Variants in BAIAP2 observed in about 807,000 individuals in gnomAD.
BAIAP2 encodes the protein BAR/IMD domain containing adaptor protein 2, also known as BAR/IMD domain-containing adapter protein 2.
In BAIAP2, 18 loss-of-function variants were observed where a neutral mutation model predicts 63.0. That is an observed-to-expected ratio of 0.29 (90% CI 0.20 to 0.42). BAIAP2 has a LOEUF of 0.42. Ranked by LOEUF, BAIAP2 falls within the 10% of genes least tolerant of loss-of-function variation. The pLI, the probability that BAIAP2 is intolerant of heterozygous loss-of-function variation, is 1.00. For missense variants in BAIAP2, 610 were observed against 734.3 expected (o/e 0.83, Z 1.96); for synonymous variants, 386 against 307.6 (o/e 1.25, Z -2.67).
chr17:81,051,232 A>C (rs1256489400), intron 1 of BAIAP2, among the ~76,000 whole-genome samples: 2 of 151,820 alleles, frequency 1.3e-5, no homozygotes, highest in Non-Finnish European at 2.9e-5. Context: ...TCTCTGCTCC[A>C]GCATCCCCGT....
chr17:81,037,591 C>T (rs746190772), intron 1 of BAIAP2, among the ~76,000 whole-genome samples: 7 of 152,218 alleles, frequency 4.6e-5, no homozygotes, highest in Admixed American at 1.3e-4. Flanking sequence ...CCGGTCCAGC[C>T]GGTCCAGGCA....
Position 81,116,153 on chromosome 17 carries a change from G to A in BAIAP2, c.*314G>A, listed in dbSNP as rs1050132137. 2.1e-5 allele frequency: 34 copies of A among 1,600,704 alleles called. No homozygotes were observed. The highest frequency in any genetic ancestry group is 2.8e-5 in the Non-Finnish European group (33 of 1,173,810). ...CCCCTGAGTTAAGGGAGGACATTTG[G>A]CCAGCTGGTGGCTGGGAGGGGAGCC... On this transcript the variant is annotated 3_prime_UTR_variant, in exon 14 of 14. Coordinates refer to ENST00000428708, the MANE Select transcript of BAIAP2 (RefSeq NM_001144888.2).
intron 3 of BAIAP2, among the ~76,000 whole-genome samples, chr17:81,069,197 T>A (rs1170129998): frequency 4.6e-5 from 7 of 151,854 alleles, no homozygotes; most frequent in African/African-American, 7.3e-5. Context: ...CTAGGTACAG[T>A]TTATACATTG....
rs116400838 is a variant in BAIAP2 at position 81,078,912 on chromosome 17, C to G, written c.218-5920C>G. 9.7e-3 allele frequency among the ~76,000 whole-genome samples: 1,483 copies of G among 152,130 alleles called. 20 individuals carry two copies. Among genetic ancestry groups the G allele is most frequent in the South Asian group, 0.038 (184 of 4,804 alleles). ...CCTTTGAGCTGTGGGGGTGTCAGGT[C>G]TCTCCCCTGCAAAGTGGGGTGATAG... On this transcript the variant is annotated intron_variant, in intron 3 of 13. Transcript: ENST00000428708.
At chr17:81,102,820 G>C (rs555991737) in intron 7 of BAIAP2, among the ~76,000 whole-genome samples, 1 of 152,226 alleles carries the variant, frequency 6.6e-6, no homozygotes, top group Non-Finnish European at 1.5e-5. Flanking sequence ...TGGGGGTCCC[G>C]GGAATCCAGG....
rs138887477 is a variant in BAIAP2 at position 81,049,291 on chromosome 17, G to A, written c.55-4377G>A. 4.5e-4 allele frequency among the ~76,000 whole-genome samples: 69 copies of A among 152,316 alleles called. No individual in the cohort carries two copies. In the East Asian group the frequency reaches 0.013, roughly 28 times the overall value. On this transcript the variant is annotated intron_variant, in intron 1 of 13. Coordinates refer to ENST00000428708, the MANE Select transcript of BAIAP2 (RefSeq NM_001144888.2). The stretch of plus-strand genomic sequence containing the variant: ...TCTCTCTGTGCCTGTGGCCCCCCAG[G>A]AGTCTCTCAGTTTTGCTGTGGTCTT...
At position 81,099,982 on chromosome 17, in the gene BAIAP2, G is replaced by A. The variant is rs771597263; in HGVS notation, c.544G>A (p.Gly182Ser). ...QGELENYVSD[G>S]YKTALTEERR... ...CGAGCTGGAGAATTACGTGTCCGAC[G>A]GCTACAAGACCGCACTGACAGAGGA... The change falls in exon 7 of 14, where the codon GGC becomes AGC. Residue 182 changes from glycine to serine, a missense_variant. By Grantham distance (56) the Gly-to-Ser change is moderately conservative. Around this residue, in one of 5 missense-constraint regions of BAIAP2, gnomAD observed 389 missense variants for 455.6 expected, o/e 0.85. Coordinates refer to ENST00000428708, the MANE Select transcript of BAIAP2 (RefSeq NM_001144888.2). 1.1e-5 allele frequency: 18 copies of A among 1,613,320 alleles called. No individual in the cohort carries two copies. Among genetic ancestry groups the A allele is most frequent in the South Asian group, 7.7e-5 (7 of 91,080 alleles).
intron 7 of BAIAP2, among the ~76,000 whole-genome samples, chr17:81,101,036 C>T (rs1365004800): frequency 6.6e-6 from 1 of 152,036 alleles, no homozygotes; most frequent in Admixed American, 6.5e-5. Context: ...CTGTGTTTCC[C>T]GCTAGGCGTC....
chr17:81,036,914 G>A, intron 1 of BAIAP2: 1 of 1,535,924 alleles, frequency 6.5e-7, no homozygotes, highest in Admixed American at 2.0e-5. Flanking sequence ...TTCTCCTTCT[G>A]CGCTGAAACC....
chr17:81,076,952 A>G (rs915154208), intron 3 of BAIAP2, among the ~76,000 whole-genome samples: 1 of 152,188 alleles, frequency 6.6e-6, no homozygotes, highest in East Asian at 1.9e-4. Flanking sequence ...GCCTGGTGAC[A>G]GAGTGAGACC....
intron 1 of BAIAP2, chr17:81,053,408 G>T (rs1002352685): frequency 3.9e-6 from 2 of 514,970 alleles, no homozygotes; most frequent in Non-Finnish European, 3.5e-6. Flanking sequence ...CCTTCAGCCC[G>T]CAGACACTCC....
In BAIAP2 at chr17:81,109,479, T is replaced by C. The variant is rs1051606528; in HGVS notation, c.1535+970T>C. 1.2e-5 allele frequency: 12 copies of C among 985,962 alleles called. No individual in the cohort carries two copies. The Admixed American group carries it at 4.3e-4, about 35-fold the overall frequency. 61.1% of individuals were successfully genotyped at this position (985,962 alleles called of 1,614,324 possible). ...GCATGGACTCCGGTGTGCGCTGTTA[T>C]CTCGCATCCGACTTCCCCGGTGCGA... On this transcript the variant is annotated intron_variant, in intron 13 of 13. Coordinates refer to ENST00000428708, the MANE Select transcript of BAIAP2 (RefSeq NM_001144888.2).
intron 3 of BAIAP2, among the ~76,000 whole-genome samples, chr17:81,058,999 T>A (rs1005914814): frequency 3.3e-5 from 5 of 152,216 alleles, no homozygotes; most frequent in Admixed American, 1.3e-4. Context: ...GCTCTGGGGC[T>A]GGGACCCCAG....
intron 3 of BAIAP2, among the ~76,000 whole-genome samples, chr17:81,059,955 G>A (rs1356131248): frequency 6.6e-6 from 1 of 152,210 alleles, no homozygotes; most frequent in Non-Finnish European, 1.5e-5. Flanking sequence ...ACTGCAAGAA[G>A]GCGCTGAGCC....
chr17:81,066,550 G>A (rs2051499462), intron 3 of BAIAP2, among the ~76,000 whole-genome samples: 2 of 152,192 alleles, frequency 1.3e-5, no homozygotes, highest in African/African-American at 2.4e-5. Context: ...CGCAGGTGTC[G>A]GCCTCCCTCT....
chr17:81,052,344 G>A (rs1359053084), intron 1 of BAIAP2, among the ~76,000 whole-genome samples: 1 of 152,246 alleles, frequency 6.6e-6, no homozygotes, highest in Non-Finnish European at 1.5e-5. Context: ...AGGGCTTTGC[G>A]GCTGGGTCGA....
intron 6 of BAIAP2, among the ~76,000 whole-genome samples, chr17:81,088,268 G>A (rs973013219): frequency 1.3e-5 from 2 of 152,070 alleles, no homozygotes; most frequent in Non-Finnish European, 2.9e-5. Context: ...CCCCAGCTTG[G>A]TGTTCTGGGG....
chr17:81,052,707 A>T (rs1307419526), intron 1 of BAIAP2, among the ~76,000 whole-genome samples: 1 of 151,392 alleles, frequency 6.6e-6, no homozygotes, highest in Non-Finnish European at 1.5e-5. Flanking sequence ...TCGGAGGCTG[A>T]GGCCAGGTGC....
intron 1 of BAIAP2, among the ~76,000 whole-genome samples, chr17:81,047,155 A>G (rs192521484): frequency 1.3e-5 from 2 of 152,102 alleles, no homozygotes; most frequent in East Asian, 3.9e-4. Flanking sequence ...TCCTGATATT[A>G]CTGGAATGTG....
Sources: allele counts gnomAD v4.1 joint callset (sites outside exome capture counted in the v4.1 genomes callset), GRCh38; gene constraint gnomAD v4.1.1; regional missense constraint gnomAD v4.1.1; transcripts MANE v1.5; gene names NCBI Gene and HGNC (gene_info 2026-07-23, HGNC 2026-07-21).